TRIO: variants seen among roughly 807,000 people sequenced by gnomAD.
TRIO encodes the protein triple functional domain protein.
TRIO carries 58 observed loss-of-function variants against 351.9 expected under a neutral mutation model. The ratio of observed to expected loss-of-function variants is 0.16; its 90% CI spans 0.13 to 0.21. TRIO has a LOEUF of 0.21. Ranked by LOEUF, TRIO falls within the 10% of genes least tolerant of loss-of-function variation. The pLI is 1.00. For missense variants in TRIO, 3,201 were observed against 4,027.8 expected, an observed-to-expected ratio of 0.79 and a Z score of 5.56; for synonymous variants, 1,758 against 1,595.7, an observed-to-expected ratio of 1.10 and a Z score of -2.42.
intron 9 of TRIO, among the ~76,000 whole-genome samples, chr5:14,321,413 G>A (rs573050957): frequency 9.2e-5 from 14 of 152,354 alleles, no homozygotes; most frequent in African/African-American, 3.4e-4. Flanking sequence ...TACCTGCGCC[G>A]AATGCCAGTG....
chr5:14,191,105 T>C (rs1335940515), intron 1 of TRIO, among the ~76,000 whole-genome samples: 2 of 152,198 alleles, frequency 1.3e-5, no homozygotes, highest in African/African-American at 4.8e-5. Flanking sequence ...GCTCGCACTG[T>C]GTTGACCAGC....
At chr5:14,229,282 T>G (rs1479548537) in intron 1 of TRIO, among the ~76,000 whole-genome samples, 2 of 152,218 alleles carry the variant, frequency 1.3e-5, no homozygotes, top group Non-Finnish European at 2.9e-5. Flanking sequence ...TACTGAGCTC[T>G]GCAGTTGTAG....
chr5:14,223,687 C>T lies in TRIO; in HGVS notation c.158-47138C>T, dbSNP rs1025425859. On this transcript the variant is annotated intron_variant, in intron 1 of 56. Transcript: ENST00000344204. ...GCCAAGTTTCCGGGAAGCAGGGCTG[C>T]GGTGTGCAGCTGTGCATTCTGTGGC... Among the ~76,000 whole-genome samples the T allele has an allele frequency of 1.2e-4, 18 of 152,186 alleles. 1 individual carries two copies.
intron 9 of TRIO, among the ~76,000 whole-genome samples, chr5:14,318,594 A>C (rs1010092028): frequency 1.3e-5 from 2 of 152,186 alleles, no homozygotes; most frequent in Admixed American, 1.3e-4. Context: ...GTTATTATTC[A>C]TGCTTCTTAA....
intron 34 of TRIO, among the ~76,000 whole-genome samples, chr5:14,457,209 C>T (rs1753377333): frequency 6.6e-6 from 1 of 152,096 alleles, no homozygotes; most frequent in Middle Eastern, 3.2e-3. Context: ...TAACATTTTT[C>T]TAAGTCATAA....
intron 7 of TRIO, 30 bp downstream of exon 7, chr5:14,297,293 G>T: frequency 1.9e-6 from 3 of 1,599,200 alleles, no homozygotes; most frequent in Non-Finnish European, 2.6e-6. Flanking sequence ...AGCCCACGAG[G>T]TGGTAACCAG....
intron 11 of TRIO, among the ~76,000 whole-genome samples, chr5:14,352,421 A>C (rs1012834738): frequency 6.6e-6 from 1 of 152,226 alleles, no homozygotes; most frequent in African/African-American, 2.4e-5. Flanking sequence ...CATGCCCAGA[A>C]GTACAATTTT....
intron 7 of TRIO, among the ~76,000 whole-genome samples, chr5:14,303,211 G>A (rs1333603559): frequency 7.4e-6 from 1 of 135,076 alleles, no homozygotes; most frequent in African/African-American, 2.6e-5. Context: ...GAGATGGGGG[G>A]TGTCAGTGGA....
At chr5:14,243,668 T>C (rs1024322861) in intron 1 of TRIO, among the ~76,000 whole-genome samples, 1 of 152,248 alleles carries the variant, frequency 6.6e-6, no homozygotes, top group African/African-American at 2.4e-5. Context: ...GTTTTCCTCA[T>C]ACATTTATAA....
chr5:14,297,068 C>T lies in TRIO; in HGVS notation c.1177-4C>T. On this transcript the variant is annotated splice_polypyrimidine_tract_variant and splice_region_variant and intron_variant, in intron 6 of 56. Transcript: ENST00000344204. Reference sequence around the variant, plus strand: ...GGAGCCCTCTTTTCCTGCCCACTTTCCAGAACGTGTATGTAAATATAAACC... The same window carrying T: ...GGAGCCCTCTTTTCCTGCCCACTTTTCAGAACGTGTATGTAAATATAAACC... 6.2e-7 allele frequency: 1 copy of T among 1,605,368 alleles called. No individual in the cohort carries two copies. The highest frequency in any genetic ancestry group is 8.5e-7 in the Non-Finnish European group (1 of 1,172,874).
At chr5:14,256,683 G>C (rs1473971247) in intron 1 of TRIO, among the ~76,000 whole-genome samples, 1 of 152,226 alleles carries the variant, frequency 6.6e-6, no homozygotes, top group Non-Finnish European at 1.5e-5. Flanking sequence ...TTACCATAAA[G>C]TGAGTAATTG....
chr5:14,169,031 G>T (rs997743127), intron 1 of TRIO, among the ~76,000 whole-genome samples: 7 of 152,140 alleles, frequency 4.6e-5, no homozygotes, highest in African/African-American at 1.7e-4. Context: ...TTAGTTTTTT[G>T]ACTACTGCTG....
At chr5:14,353,113 C>T (rs141544383) in intron 11 of TRIO, among the ~76,000 whole-genome samples, 26 of 151,922 alleles carry the variant, frequency 1.7e-4, no homozygotes, top group Non-Finnish European at 3.5e-4. Flanking sequence ...GGTAGGAACC[C>T]GAATGTGTTT....
In TRIO at chr5:14,508,714, A is replaced by C; in HGVS notation, c.*292A>C. 3.2e-6 allele frequency: 1 copy of C among 315,506 alleles called. No individual in the cohort carries two copies. The highest frequency in any genetic ancestry group is 5.8e-6 in the Non-Finnish European group (1 of 172,498). 19.5% of individuals were successfully genotyped at this position (315,506 alleles called of 1,614,324 possible). A position where few individuals can be genotyped will look rare whatever the true frequency, so the allele number is the denominator to read the frequency against. On this transcript the variant is annotated 3_prime_UTR_variant, in exon 57 of 57. Coordinates refer to ENST00000344204, the MANE Select transcript of TRIO (RefSeq NM_007118.4). ...AAGATAACTTTTTTAAACAAACATG[A>C]ATAGAATTTTGCAAATTTAACGTTT... is the stretch of plus-strand genomic sequence containing the variant.
intron 7 of TRIO, among the ~76,000 whole-genome samples, chr5:14,297,814 C>T (rs1212154219): frequency 6.6e-6 from 1 of 152,190 alleles, no homozygotes; most frequent in African/African-American, 2.4e-5. Flanking sequence ...CTTGCTGGGC[C>T]TCCCCTCACA....
intron 34 of TRIO, among the ~76,000 whole-genome samples, chr5:14,440,433 G>A (rs188931761): frequency 1.2e-4 from 19 of 152,300 alleles, no homozygotes; most frequent in Admixed American, 1.2e-3. Context: ...TGTGTGGTGT[G>A]GGACAAGGGA....
chr5:14,176,697 C>A (rs918122292), intron 1 of TRIO, among the ~76,000 whole-genome samples: 1 of 152,140 alleles, frequency 6.6e-6, no homozygotes, highest in African/African-American at 2.4e-5. Flanking sequence ...ACCCACTTGG[C>A]CTCCCAAAGT....
At chr5:14,401,248 T>C (rs558153028) in intron 31 of TRIO, among the ~76,000 whole-genome samples, 184 bp downstream of exon 31, 1 of 152,330 alleles carries the variant, frequency 6.6e-6, no homozygotes, top group Admixed American at 6.5e-5. Flanking sequence ...GTTCTGGTGA[T>C]GAAACAATTT....
chr5:14,504,002 AC>A (rs1256167199), intron 54 of TRIO, among the ~76,000 whole-genome samples: 1 of 152,146 alleles, frequency 6.6e-6, no homozygotes, highest in Non-Finnish European at 1.5e-5. Flanking sequence ...CACCTTTCAA[AC>A]GTGCAGGGAA....
Sources: allele counts gnomAD v4.1 joint callset (sites outside exome capture counted in the v4.1 genomes callset), GRCh38; gene constraint gnomAD v4.1.1; transcripts MANE v1.5; gene names NCBI Gene and HGNC (gene_info 2026-07-23, HGNC 2026-07-21).